The following PERP variants were observed in gnomAD, a reference collection of about 807,000 sequenced individuals.
PERP encodes p53 apoptosis effector related to PMP-22.
Under a neutral mutation model 20.3 loss-of-function variants are expected in PERP, and 11 were observed. That is an observed-to-expected ratio of 0.54 (90% CI 0.34 to 0.90). The LOEUF (loss-of-function observed/expected upper bound fraction) is 0.90, where lower values mean the gene tolerates loss of function less well. PERP is among the 40% of genes least tolerant of loss of function. The probability of loss-of-function intolerance (pLI) is 0.02; values close to 1 mark genes in which losing one functional copy is unlikely to be tolerated. For synonymous variants in PERP, 101 were observed against 102.0 expected, an observed-to-expected ratio of 0.99 and a Z score of 0.06; for missense variants, 224 against 249.4, an observed-to-expected ratio of 0.90 and a Z score of 0.69.
intron 1 of PERP, among the ~76,000 whole-genome samples, chr6:138,106,843 T>C (rs1263583796): frequency 6.6e-6 from 1 of 151,430 alleles, no homozygotes; most frequent in Non-Finnish European, 1.5e-5. Context: ...ATGCTTGAAA[T>C]AATCTTTCGT....
Position 138,107,071 on chromosome 6 carries a change from G to A in PERP, c.214+56C>T. The A allele has an allele frequency of 6.5e-7, 1 of 1,528,368 alleles. No homozygotes were observed. Among genetic ancestry groups the A allele is most frequent in the South Asian group, 1.2e-5 (1 of 82,418 alleles). The allele number at this position is 1,528,368 out of a possible 1,614,324, so 94.7% of individuals were successfully genotyped here. On this transcript the variant is annotated intron_variant, in intron 1 of 2. Transcript: ENST00000421351. The surrounding 1 kb of genome is among the most constrained non-coding windows in gnomAD (Gnocchi z 4.8). ...CCATCACGCGCGGCGGCTTTTGCAG[G>A]CCGCGGCCCCGAGGGCTTCCTGGAG...
rs1390370172 is a variant in PERP at position 138,089,259 on chromosome 6, CA to C, written c.*2782del. ...TTACTGTATTAATAGGAATGTCTTT[CA>C]GGGGGAGTTTACAGAAAAAAAAAAT... On this transcript the variant is annotated 3_prime_UTR_variant, in exon 3 of 3. Coordinates refer to ENST00000421351, the MANE Select transcript of PERP (RefSeq NM_022121.5). The C allele has an allele frequency of 1.7e-5, 2 of 117,722 alleles. No homozygotes were observed. Among genetic ancestry groups the C allele is most frequent in the African/African-American group, 3.0e-5 (1 of 33,758 alleles). The allele number at this position is 117,722 out of a possible 1,614,324, so 7.3% of individuals were successfully genotyped here. A position where few individuals can be genotyped will look rare whatever the true frequency, so the allele number is the denominator to read the frequency against.
Position 138,107,366 on chromosome 6 carries a change from G to A in PERP, c.-26C>T. ...GTTGACGGGCGGCGCGGGGCCGAGC[G>A]GAGCGGAGCGGAGCGGGTCGGAGGA... is the stretch of plus-strand genomic sequence containing the variant. On this transcript the variant is annotated 5_prime_UTR_variant, in exon 1 of 3. Coordinates refer to ENST00000421351, the MANE Select transcript of PERP (RefSeq NM_022121.5). This position sits in a 1 kb window ranked among gnomAD's most constrained non-coding sequence, Gnocchi z 4.8. 6.9e-7 allele frequency: 1 copy of A among 1,447,632 alleles called. No homozygotes were observed. The highest frequency in any genetic ancestry group is 9.1e-7 in the Non-Finnish European group (1 of 1,096,488). 89.7% of individuals were successfully genotyped at this position (1,447,632 alleles called of 1,614,324 possible).
In PERP at chr6:138,088,630, TCTTGGCTTTTTCCACAC is replaced by T. The variant is rs1426884902; in HGVS notation, c.*3395_*3411del. 1 of 151,992 alleles carries T rather than the reference TCTTGGCTTTTTCCACAC, an allele frequency of 6.6e-6. No individual in the cohort carries two copies. The highest frequency in any genetic ancestry group is 1.5e-5 in the Non-Finnish European group (1 of 68,016). 9.4% of individuals were successfully genotyped at this position (151,992 alleles called of 1,614,324 possible). A position where few individuals can be genotyped will look rare whatever the true frequency, so the allele number is the denominator to read the frequency against. ...ATAGGAACCTCTTTTAATTTCCCTT[TCTTGGCTTTTTCCACAC>T]CCTAGGTGGATTACACTCACCCTGA... On this transcript the variant is annotated 3_prime_UTR_variant, in exon 3 of 3. Transcript: ENST00000421351.
intron 2 of PERP, among the ~76,000 whole-genome samples, chr6:138,094,371 T>C (rs987698402): frequency 6.6e-6 from 1 of 152,116 alleles, no homozygotes; most frequent in African/African-American, 2.4e-5. Context: ...AGGTAGCTCA[T>C]GTAAATGGAA....
rs1244707833 is a variant in PERP, at chr6:138,092,179, A to T, written c.445T>A (p.Tyr149Asn). 6.2e-7 allele frequency: 1 copy of T among 1,614,010 alleles called. No homozygotes were observed. The highest frequency in any genetic ancestry group is 1.1e-5 in the South Asian group (1 of 91,088). ...CACCCAAAGCCGTAGGCCCAGTTAT[A>T]GATGTAAGTGACAGCAGGGTTGGCA... is the stretch of plus-strand genomic sequence containing the variant. ...LHANPAVTYI[Y>N]NWAYGFGWAA... Residue 149 changes from tyrosine (Y) to asparagine (N), a missense_variant, in exon 3 of 3, where the codon TAT becomes AAT. Physicochemically the swap from Tyr to Asn is moderately radical, Grantham distance 143 (BLOSUM62 -2). Transcript: ENST00000421351.
At chr6:138,099,153 G>T (rs1775738183) in intron 1 of PERP, among the ~76,000 whole-genome samples, 2 of 152,150 alleles carry the variant, frequency 1.3e-5, no homozygotes, top group Admixed American at 6.5e-5. Context: ...CCTCCCTCCA[G>T]ACCTATGGAA....
rs915170537 is a variant in PERP at position 138,090,385 on chromosome 6, G to A, written c.*1657C>T. The A allele has an allele frequency of 6.6e-6, 1 of 152,166 alleles. No homozygotes were observed. Among genetic ancestry groups the A allele is most frequent in the Non-Finnish European group, 1.5e-5 (1 of 68,090 alleles). 9.4% of individuals were successfully genotyped at this position (152,166 alleles called of 1,614,324 possible). On this transcript the variant is annotated 3_prime_UTR_variant, in exon 3 of 3. Coordinates refer to ENST00000421351, the MANE Select transcript of PERP (RefSeq NM_022121.5). ...ATGATAAAATGGGAAGGAGGGCAAGGGGAAAATAGAGAGACTGCTACCCCA... is the reference window on the plus strand; with the variant it reads ...ATGATAAAATGGGAAGGAGGGCAAGAGGAAAATAGAGAGACTGCTACCCCA...
chr6:138,095,778 T>G (rs1228662491), intron 2 of PERP, among the ~76,000 whole-genome samples: 22 of 152,204 alleles, frequency 1.4e-4, no homozygotes, highest in Non-Finnish European at 4.4e-5. Context: ...ATATTCACAC[T>G]GGGCCCTGCA....
At position 138,089,371 on chromosome 6, in the gene PERP, A is replaced by C. The variant is rs1385116887; in HGVS notation, c.*2671T>G. ...AGGCTGTTGAACTTGTGAGTTCTGC[A>C]GTCTATGGTTTTGAAGCTAAGTTAT... On this transcript the variant is annotated 3_prime_UTR_variant, in exon 3 of 3. Transcript: ENST00000421351. 6.6e-6 allele frequency: 1 copy of C among 152,162 alleles called. No individual in the cohort carries two copies. Among genetic ancestry groups the C allele is most frequent in the Non-Finnish European group, 1.5e-5 (1 of 68,022 alleles). The allele number at this position is 152,162 out of a possible 1,614,324, so 9.4% of individuals were successfully genotyped here.
Position 138,107,185 on chromosome 6 carries a change from G to A in PERP, c.156C>T (p.Ser52=). ...AGGACCCGCTGCCGCCGCCCTCTTG[G>A]GAGCATTTCCACCACAGCGAGGACG... ...GQTSSLWWKC[S]QEGGGSGSYE... is the part of the protein sequence containing the mutation. The change falls in exon 1 of 3, where the codon TCC becomes TCT. Residue 52 remains serine (S), a synonymous_variant. Transcript: ENST00000421351. The surrounding 1 kb of genome is among the most constrained non-coding windows in gnomAD (Gnocchi z 4.8). 6.2e-7 allele frequency: 1 copy of A among 1,612,242 alleles called. No individual in the cohort carries two copies. Among genetic ancestry groups the A allele is most frequent in the Non-Finnish European group, 8.5e-7 (1 of 1,179,602 alleles).
At chr6:138,099,341 G>GT (rs540696105) in intron 1 of PERP, among the ~76,000 whole-genome samples, 23 of 152,042 alleles carry the variant, frequency 1.5e-4, no homozygotes, top group African/African-American at 2.9e-4. Flanking sequence ...CATTTCTTTA[G>GT]TTTTTTTTAA....
At chr6:138,100,789 A>C (rs1256579186) in intron 1 of PERP, among the ~76,000 whole-genome samples, 4 of 152,176 alleles carry the variant, frequency 2.6e-5, no homozygotes, top group African/African-American at 9.7e-5. Flanking sequence ...TAATCAAAGA[A>C]ACCAGCAGCA....
chr6:138,106,831 C>A (rs539987042), intron 1 of PERP, among the ~76,000 whole-genome samples: 9 of 150,722 alleles, frequency 6.0e-5, no homozygotes, highest in African/African-American at 2.0e-4. Context: ...TCTAAACTTG[C>A]AATGCTTGAA....
chr6:138,096,592 A>G (rs1775699082), intron 1 of PERP, 98 bp from the exon 2 acceptor site: 2 of 1,341,876 alleles, frequency 1.5e-6, no homozygotes, highest in Non-Finnish European at 1.0e-6. Context: ...TTTTTTCCCT[A>G]CTAGTTACAT....
chr6:138,095,171 A>T (rs1305025791), intron 2 of PERP, among the ~76,000 whole-genome samples: 4 of 152,234 alleles, frequency 2.6e-5, no homozygotes, highest in African/African-American at 9.6e-5. Flanking sequence ...GTGGGCATCA[A>T]CCAGGTTCTT....
rs892862503 is a variant in PERP at position 138,088,577 on chromosome 6, A to T, written c.*3465T>A. ...GGTTAACAACGAAGCACAGGATAGTACAAGTGGAAGATCATTAACATGACT... is the reference window on the plus strand; with the variant it reads ...GGTTAACAACGAAGCACAGGATAGTTCAAGTGGAAGATCATTAACATGACT... On this transcript the variant is annotated 3_prime_UTR_variant, in exon 3 of 3. Coordinates refer to ENST00000421351, the MANE Select transcript of PERP (RefSeq NM_022121.5). 5.3e-5 allele frequency: 8 copies of T among 152,216 alleles called. No individual in the cohort carries two copies. Among genetic ancestry groups the T allele is most frequent in the Admixed American group, 3.9e-4 (6 of 15,284 alleles). 9.4% of individuals were successfully genotyped at this position (152,216 alleles called of 1,614,324 possible). A position where few individuals can be genotyped will look rare whatever the true frequency, so the allele number is the denominator to read the frequency against.
rs1160939932 is a variant in PERP at position 138,091,981 on chromosome 6, C to G, written c.*61G>C. ...ATGGGTTCAAAGTCGCCTGGAGAAACAGTTTCTTCTTCTGGAGTCCATCTC... is the reference window on the plus strand; with the variant it reads ...ATGGGTTCAAAGTCGCCTGGAGAAAGAGTTTCTTCTTCTGGAGTCCATCTC... On this transcript the variant is annotated 3_prime_UTR_variant, in exon 3 of 3. Transcript: ENST00000421351. The G allele has an allele frequency of 1.3e-6, 2 of 1,500,864 alleles. No individual in the cohort carries two copies. The highest frequency in any genetic ancestry group is 2.1e-4 in the Middle Eastern group (1 of 4,686). 93.0% of individuals were successfully genotyped at this position (1,500,864 alleles called of 1,614,324 possible). A position where few individuals can be genotyped will look rare whatever the true frequency, so the allele number is the denominator to read the frequency against.
At chr6:138,095,732 T>A (rs1775677178) in intron 2 of PERP, among the ~76,000 whole-genome samples, 1 of 152,152 alleles carries the variant, frequency 6.6e-6, no homozygotes, top group South Asian at 2.1e-4. Context: ...CAATAATTCT[T>A]CTCCTAAAAT....
Sources: allele counts gnomAD v4.1 joint callset (sites outside exome capture counted in the v4.1 genomes callset), GRCh38; gene constraint gnomAD v4.1.1; non-coding constraint Gnocchi (gnomAD v3.1); transcripts MANE v1.5; gene names NCBI Gene and HGNC (gene_info 2026-07-23, HGNC 2026-07-21).